The following SIPA1L1 variants were observed in gnomAD, a reference collection of about 807,000 sequenced individuals.
SIPA1L1 encodes signal-induced proliferation-associated 1-like protein 1.
Under a neutral mutation model 162.7 loss-of-function variants are expected in SIPA1L1, and 26 were observed. That is an observed-to-expected ratio of 0.16 (90% CI 0.12 to 0.22). The LOEUF is 0.22. Among genes scored for constraint, SIPA1L1 ranks in the 10% least tolerant of loss-of-function variants. The pLI is 1.00. For missense variants in SIPA1L1, 1,874 were observed against 2,241.0 expected (o/e 0.84, Z 3.31); for synonymous variants, 829 against 837.4 (o/e 0.99, Z 0.17).
intron 4 of SIPA1L1, among the ~76,000 whole-genome samples, chr14:71,579,246 C>T (rs1596246753): frequency 1.3e-5 from 2 of 152,050 alleles, no homozygotes; most frequent in South Asian, 4.1e-4. Flanking sequence ...AGACTAATAT[C>T]TTACATGTAT....
At chr14:71,620,839 CTCT>C (rs1429682332) in intron 6 of SIPA1L1, among the ~76,000 whole-genome samples, 6 of 152,192 alleles carry the variant, frequency 3.9e-5, no homozygotes, top group East Asian at 1.9e-4. Context: ...TCATAAGATT[CTCT>C]TCTTCTCCAG....
intron 2 of SIPA1L1, among the ~76,000 whole-genome samples, chr14:71,399,708 C>CTTTTTATTATTATTTTTATTTATTTATTA (rs1166214230): frequency 6.6e-6 from 1 of 151,740 alleles, no homozygotes; most frequent in Non-Finnish European, 1.5e-5. Context: ...ACCACCACAC[C>CTTTTTATTATTATTTTTATTTATTTATTA]TTTTATTATT....
At chr14:71,499,664 A>G (rs1367372850) in intron 2 of SIPA1L1, among the ~76,000 whole-genome samples, 3 of 152,334 alleles carry the variant, frequency 2.0e-5, no homozygotes, top group Middle Eastern at 3.4e-3. Context: ...AGGAAAAAAA[A>G]GGTGATTGAT....
chr14:71,374,066 A>G (rs2141058823), intron 2 of SIPA1L1, among the ~76,000 whole-genome samples: 1 of 152,298 alleles, frequency 6.6e-6, no homozygotes. Context: ...ATTTGAAAGT[A>G]CTTCGTGTTA....
chr14:71,695,126 AAAT>A (rs2081531076), intron 13 of SIPA1L1, among the ~76,000 whole-genome samples: 2 of 152,344 alleles, frequency 1.3e-5, no homozygotes, highest in South Asian at 4.1e-4. Context: ...GTCTGTTCTC[AAAT>A]AATATTTGTG....
intron 2 of SIPA1L1, among the ~76,000 whole-genome samples, chr14:71,501,037 G>GGTGCCGAGTGCAGCGGCTCA (rs2050171724): frequency 2.6e-5 from 4 of 152,078 alleles, no homozygotes; most frequent in Admixed American, 2.6e-4. Flanking sequence ...AACATTAAAA[G>GGTGCCGAGTGCAGCGGCTCA]GTGCCGAGTG....
Position 71,474,541 on chromosome 14 carries a change from A to G in SIPA1L1, c.-464-38202A>G, listed in dbSNP as rs535023246. Among the ~76,000 whole-genome samples, 16 of 152,350 alleles carry G rather than the reference A, an allele frequency of 1.1e-4. No individual in the cohort carries two copies. In the East Asian group the frequency reaches 2.7e-3, roughly 26 times the overall value. ...AGACAAAGCCTATAAGGAGATCACAATATAAAAAGGTCTCAATCTTGTGCC... is the reference window on the plus strand; with the variant it reads ...AGACAAAGCCTATAAGGAGATCACAGTATAAAAAGGTCTCAATCTTGTGCC... On this transcript the variant is annotated intron_variant, in intron 2 of 23. Coordinates refer to ENST00000381232, the MANE Select transcript of SIPA1L1 (RefSeq NM_001386936.1).
At chr14:71,587,232 A>G (rs1388568677) in intron 4 of SIPA1L1, among the ~76,000 whole-genome samples, 2 of 152,158 alleles carry the variant, frequency 1.3e-5, no homozygotes, top group Admixed American at 6.6e-5. Context: ...GATGTTCTAC[A>G]TTTTTAGAGG....
In SIPA1L1 at chr14:71,644,085, C is replaced by T. The variant is rs146792624; in HGVS notation, c.1819-6250C>T. Among the ~76,000 whole-genome samples, 346 of 152,218 alleles carry T rather than the reference C, an allele frequency of 2.3e-3. 2 individuals carry two copies. The highest frequency in any genetic ancestry group is 0.017 in the Admixed American group (259 of 15,300). ...CCTCCCAAAGTGCTGGGATGACAGG[C>T]GTGAGCCACCATGCCTGGCCAACAA... On this transcript the variant is annotated intron_variant, in intron 7 of 23. Transcript: ENST00000381232.
chr14:71,604,087 T>C (rs1021454054), intron 5 of SIPA1L1, among the ~76,000 whole-genome samples: 14 of 149,896 alleles, frequency 9.3e-5, no homozygotes, highest in Admixed American at 8.7e-4. Context: ...ACCTCTTGCC[T>C]CCCAGGCTCA....
At chr14:71,637,363 T>C (rs1426055543) in intron 7 of SIPA1L1, among the ~76,000 whole-genome samples, 1 of 152,158 alleles carries the variant, frequency 6.6e-6, no homozygotes, top group Non-Finnish European at 1.5e-5. Flanking sequence ...CACTTAACTT[T>C]TATTACATTG....
At chr14:71,699,387 A>G (rs1256979569) in intron 14 of SIPA1L1, among the ~76,000 whole-genome samples, 1 of 152,198 alleles carries the variant, frequency 6.6e-6, no homozygotes, top group Non-Finnish European at 1.5e-5. Flanking sequence ...TGTCCATTGT[A>G]TATATTGTTT....
chr14:71,412,995 T>G (rs1010560934), intron 2 of SIPA1L1, among the ~76,000 whole-genome samples: 1 of 152,200 alleles, frequency 6.6e-6, no homozygotes, highest in Non-Finnish European at 1.5e-5. Context: ...TTTCCAAATA[T>G]GCAGTGTTTG....
At chr14:71,663,929 A>G (rs2043765149) in intron 10 of SIPA1L1, among the ~76,000 whole-genome samples, 1 of 152,238 alleles carries the variant, frequency 6.6e-6, no homozygotes, top group South Asian at 2.1e-4. Flanking sequence ...ACTGAAAGAA[A>G]TCACAAGAGA....
rs533001699 is a variant in SIPA1L1, at chr14:71,639,893, T to C, written c.1819-10442T>C. Among the ~76,000 whole-genome samples the C allele has an allele frequency of 6.1e-3, 868 of 141,856 alleles. 3 individuals are homozygous for C. Among genetic ancestry groups the C allele is most frequent in the South Asian group, 0.023 (101 of 4,482 alleles). The allele number at this position is 141,856 out of a possible 152,430, so 93.1% of individuals were successfully genotyped here. On this transcript the variant is annotated intron_variant, in intron 7 of 23. Coordinates refer to ENST00000381232, the MANE Select transcript of SIPA1L1 (RefSeq NM_001386936.1). ...TAAACAAAATAATGAACCTTGACTT[T>C]TTGGGTTTTTTTGTTTTTTTGTTTT...
In SIPA1L1 at chr14:71,723,687, A is replaced by T. The variant is rs2083958904; in HGVS notation, c.4249A>T (p.Thr1417Ser). The change falls in exon 18 of 24, where the codon ACC becomes TCC. Residue 1417 changes from threonine to serine, a missense_variant. Physicochemically the swap from Thr to Ser is moderately conservative, Grantham distance 58 (BLOSUM62 1). Around this residue, in one of 5 missense-constraint regions of SIPA1L1, gnomAD observed 936 missense variants for 1,051.9 expected, o/e 0.89. Coordinates refer to ENST00000381232, the MANE Select transcript of SIPA1L1 (RefSeq NM_001386936.1). Reference protein sequence around the residue: ...SRHSASPVVFTSARSSPKEEL... With the variant: ...SRHSASPVVFSSARSSPKEEL... ...ACACTCTGCCAGCCCAGTGGTTTTC[A>T]CCAGTGCCCGGAGTTCACCTAAAGA... 2 of 1,614,144 alleles carry T rather than the reference A, an allele frequency of 1.2e-6. No homozygotes were observed. Among genetic ancestry groups the T allele is most frequent in the East Asian group, 2.2e-5 (1 of 44,868 alleles).
intron 7 of SIPA1L1, among the ~76,000 whole-genome samples, chr14:71,637,108 T>C (rs1374998926): frequency 1.3e-5 from 2 of 149,640 alleles, no homozygotes; most frequent in African/African-American, 4.9e-5. Context: ...TTTTTTTTTT[T>C]CATAAAACCC....
chr14:71,362,946 G>T (rs957656052), intron 2 of SIPA1L1, among the ~76,000 whole-genome samples: 1 of 152,206 alleles, frequency 6.6e-6, no homozygotes, highest in Admixed American at 6.5e-5. Flanking sequence ...CCATCTGTTT[G>T]GTATTAGCTG....
In SIPA1L1 at chr14:71,699,130, A is replaced by G; in HGVS notation, c.3521+3A>G. ...AGGCAGAAGTCCATGCCCGAAGGGT[A>G]GTTATGCGTTTGTCCCATTGTACAT... is the stretch of plus-strand genomic sequence containing the variant. On this transcript the variant is annotated splice_donor_region_variant and intron_variant, in intron 14 of 23. Transcript: ENST00000381232. 1 of 1,613,988 alleles carries G rather than the reference A, an allele frequency of 6.2e-7. No individual in the cohort carries two copies.
Sources: allele counts gnomAD v4.1 joint callset (sites outside exome capture counted in the v4.1 genomes callset), GRCh38; gene constraint gnomAD v4.1.1; regional missense constraint gnomAD v4.1.1; transcripts MANE v1.5; gene names NCBI Gene and HGNC (gene_info 2026-07-23, HGNC 2026-07-21).